PACSIN2: variants seen among roughly 807,000 people sequenced by gnomAD.
The protein encoded by PACSIN2 is protein kinase C and casein kinase substrate in neurons 2.
Under a neutral mutation model 63.8 loss-of-function variants are expected in PACSIN2, and 25 were observed. The observed-to-expected ratio is 0.39, with a 90% confidence interval of 0.29 to 0.55. The LOEUF (loss-of-function observed/expected upper bound fraction) is 0.55. Ranked by LOEUF, PACSIN2 falls within the 20% of genes least tolerant of loss-of-function variation. The probability of loss-of-function intolerance (pLI) is 0.62; values close to 1 mark genes in which losing one functional copy is unlikely to be tolerated. For synonymous variants in PACSIN2, 255 were observed against 256.2 expected (o/e 1.00, Z 0.05); for missense variants, 518 against 646.9 (o/e 0.80, Z 2.16).
At chr22:42,877,503 G>A (rs2146634589) in intron 8 of PACSIN2, among the ~76,000 whole-genome samples, 1 of 152,298 alleles carries the variant, frequency 6.6e-6, no homozygotes, top group Middle Eastern at 3.4e-3. Context: ...AAGGGGTTCA[G>A]GGCTCGCTCT....
chr22:43,013,338 G>C (rs1318442430), intron 1 of PACSIN2, among the ~76,000 whole-genome samples: 1 of 152,146 alleles, frequency 6.6e-6, no homozygotes, highest in Non-Finnish European at 1.5e-5. Flanking sequence ...TAAGTCTATT[G>C]TCAAAAGAAA....
chr22:42,974,092 A>G (rs920964531), intron 1 of PACSIN2, among the ~76,000 whole-genome samples: 5 of 152,312 alleles, frequency 3.3e-5, no homozygotes, highest in Middle Eastern at 3.4e-3. Flanking sequence ...GGATTACATG[A>G]GATAAAGCAC....
At chr22:43,009,541 G>A (rs1404906363) in intron 1 of PACSIN2, among the ~76,000 whole-genome samples, 1 of 152,184 alleles carries the variant, frequency 6.6e-6, no homozygotes, top group Admixed American at 6.5e-5. Context: ...TGCAAAAGGT[G>A]AAGGTCCTCT....
intron 4 of PACSIN2, among the ~76,000 whole-genome samples, chr22:42,890,016 T>A (rs978508798): frequency 2.2e-4 from 34 of 151,250 alleles, no homozygotes; most frequent in Admixed American, 9.2e-4. Context: ...TTTTTTTTTT[T>A]TTTTGAGACA....
At chr22:42,875,294 C>G (rs755218290) in intron 10 of PACSIN2, among the ~76,000 whole-genome samples, 9 of 152,158 alleles carry the variant, frequency 5.9e-5, no homozygotes, top group Non-Finnish European at 1.3e-4. Context: ...AGGTATGCAA[C>G]ACCACGCCCA....
intron 2 of PACSIN2, 26 bp downstream of exon 2, chr22:42,911,995 T>C: frequency 1.9e-6 from 3 of 1,573,172 alleles, no homozygotes; most frequent in Non-Finnish European, 1.7e-6. Flanking sequence ...GCCACTTCAT[T>C]CACTGGAAGA....
intron 1 of PACSIN2, among the ~76,000 whole-genome samples, chr22:42,925,121 C>T (rs576655362): frequency 1.3e-5 from 2 of 151,862 alleles, no homozygotes; most frequent in African/African-American, 4.8e-5. Context: ...CAAGCACTTA[C>T]CACCTCCTAA....
intron 1 of PACSIN2, among the ~76,000 whole-genome samples, chr22:42,953,189 T>C (rs185336724): frequency 3.7e-4 from 56 of 152,084 alleles, no homozygotes; most frequent in African/African-American, 1.3e-3. Context: ...TATCCTTCCA[T>C]TGTTCAAGAG....
chr22:42,876,378 G>A (rs9611949), intron 9 of PACSIN2, 45 bp from the exon 10 acceptor site: 42,686 of 1,547,120 alleles, frequency 0.028, 653 homozygotes, highest in African/African-American at 0.035. Flanking sequence ...CAGGGCGGCA[G>A]AGGGTGTGAG....
At chr22:42,910,417 A>G (rs372171455) in intron 2 of PACSIN2, among the ~76,000 whole-genome samples, 2 of 152,356 alleles carry the variant, frequency 1.3e-5, no homozygotes. Context: ...TGCCAGCTCC[A>G]TAAGCGCTCC....
chr22:42,870,141 C>T lies in PACSIN2; in HGVS notation c.*1216G>A, dbSNP rs1187764745. On this transcript the variant is annotated 3_prime_UTR_variant, in exon 11 of 11. Transcript: ENST00000263246. ...CACTCGTGCTGCGGGTAAGACCCAG[C>T]TTCTGTTTGTGCACAAGTAACACGA... 6.6e-6 allele frequency: 1 copy of T among 152,196 alleles called. No individual in the cohort carries two copies. Among genetic ancestry groups the T allele is most frequent in the Non-Finnish European group, 1.5e-5 (1 of 68,048 alleles). 9.4% of individuals were successfully genotyped at this position (152,196 alleles called of 1,614,324 possible). A position where few individuals can be genotyped will look rare whatever the true frequency, so the allele number is the denominator to read the frequency against.
intron 1 of PACSIN2, among the ~76,000 whole-genome samples, chr22:42,923,084 G>T (rs1186987424): frequency 6.6e-6 from 1 of 152,156 alleles, no homozygotes; most frequent in Non-Finnish European, 1.5e-5. Context: ...GTGGGGCAGG[G>T]TGCACTTTAG....
At chr22:42,880,046 G>T (rs1483158574) in intron 7 of PACSIN2, among the ~76,000 whole-genome samples, 1 of 152,220 alleles carries the variant, frequency 6.6e-6, no homozygotes, top group African/African-American at 2.4e-5. Flanking sequence ...TTTTCTAGAA[G>T]AGTCTGTGCA....
intron 1 of PACSIN2, among the ~76,000 whole-genome samples, chr22:42,960,391 C>A (rs994562447): frequency 6.6e-6 from 1 of 152,168 alleles, no homozygotes; most frequent in African/African-American, 2.4e-5. Flanking sequence ...AAGCCTCATG[C>A]AGGAGACAGG....
intron 10 of PACSIN2, among the ~76,000 whole-genome samples, chr22:42,873,353 T>C (rs758575326): frequency 2.0e-5 from 3 of 152,050 alleles, no homozygotes; most frequent in South Asian, 4.1e-4. Context: ...TGGATGAAGA[T>C]GGCTTAAAGG....
intron 2 of PACSIN2, among the ~76,000 whole-genome samples, chr22:42,908,960 C>G (rs1028787136): frequency 6.6e-6 from 1 of 152,170 alleles, no homozygotes; most frequent in South Asian, 2.1e-4. Context: ...CCCCTCTCCC[C>G]TCTTCCTCTT....
In PACSIN2 at chr22:42,983,499, A is replaced by AAAAAAAC. The variant is rs1555944123; in HGVS notation, c.-78+31521_-78+31522insGTTTTTT. ...AGTGAGACTCCATCTCAAAAAAAAA[A>AAAAAAAC]AAAAAAAAACAGATATTGAAGGCAA... On this transcript the variant is annotated intron_variant, in intron 1 of 10. Coordinates refer to ENST00000263246, the MANE Select transcript of PACSIN2 (RefSeq NM_001184970.3). 2.7e-5 allele frequency among the ~76,000 whole-genome samples: 4 copies of AAAAAAAC among 145,918 alleles called. No individual in the cohort carries two copies. The Admixed American group carries it at 2.8e-4, about 10-fold the overall frequency.
chr22:42,947,594 A>G (rs758638225), intron 1 of PACSIN2, among the ~76,000 whole-genome samples: 6 of 150,624 alleles, frequency 4.0e-5, no homozygotes, highest in Non-Finnish European at 8.9e-5. Flanking sequence ...GGACAACACC[A>G]AAGAACACGC....
chr22:42,988,583 G>A (rs1922794908), intron 1 of PACSIN2, among the ~76,000 whole-genome samples: 1 of 152,202 alleles, frequency 6.6e-6, no homozygotes, highest in African/African-American at 2.4e-5. Context: ...AGCAGCTCGG[G>A]AAGAAAATAA....
Sources: allele counts gnomAD v4.1 joint callset (sites outside exome capture counted in the v4.1 genomes callset), GRCh38; gene constraint gnomAD v4.1.1; transcripts MANE v1.5; gene names NCBI Gene and HGNC (gene_info 2026-07-23, HGNC 2026-07-21).